LGSN: variants seen among roughly 807,000 people sequenced by gnomAD.
The protein encoded by LGSN is lengsin, lens protein with glutamine synthetase domain.
A neutral mutation model predicts 19.5 loss-of-function variants in LGSN; 21 were observed. The observed-to-expected ratio is 1.07, with a 90% CI of 0.76 to 1.55. LGSN has a LOEUF of 1.55. Ranked by LOEUF, LGSN falls within the 40% of genes most tolerant of loss-of-function variation. LGSN has a pLI of 0.00. For missense variants in LGSN, 673 were observed against 608.5 expected (o/e 1.11, Z -1.12); for synonymous variants, 257 against 215.6 (o/e 1.19, Z -1.68).
the LGSN span, among the ~76,000 whole-genome samples, chr6:63,431,070 G>A: frequency 1.3e-5 from 2 of 152,244 alleles, no homozygotes; most frequent in East Asian, 3.9e-4. Flanking sequence ...AGTCTACAAA[G>A]TGCTTTGATA....
At chr6:63,386,775 T>A in the LGSN span, among the ~76,000 whole-genome samples, 3 of 152,108 alleles carry the variant, frequency 2.0e-5, no homozygotes, top group Admixed American at 6.6e-5. Flanking sequence ...GATATTATAG[T>A]CGTCTAGTAG....
chr6:63,533,672 C>T, the LGSN span, among the ~76,000 whole-genome samples: 1 of 151,974 alleles, frequency 6.6e-6, no homozygotes, highest in Non-Finnish European at 1.5e-5. Flanking sequence ...ATGGTTATTA[C>T]TTGGGAGGAC....
chr6:63,329,069 G>C, the LGSN span, among the ~76,000 whole-genome samples: 3 of 152,230 alleles, frequency 2.0e-5, no homozygotes, highest in Admixed American at 1.3e-4. Context: ...CCCTTGATTA[G>C]CTAGAAAGTT....
the LGSN span, among the ~76,000 whole-genome samples, chr6:63,393,110 A>G: frequency 6.6e-6 from 1 of 150,742 alleles, no homozygotes; most frequent in Admixed American, 6.6e-5. Flanking sequence ...GATGGTCTCG[A>G]TCTCCTGACC....
At chr6:63,365,980 T>C in the LGSN span, among the ~76,000 whole-genome samples, 2 of 152,114 alleles carry the variant, frequency 1.3e-5, no homozygotes, top group African/African-American at 4.8e-5. Flanking sequence ...ACAGCCAATA[T>C]CATACTGAAT....
the LGSN span, among the ~76,000 whole-genome samples, chr6:63,475,416 A>G: frequency 1.3e-5 from 2 of 151,936 alleles, no homozygotes; most frequent in East Asian, 1.9e-4. Flanking sequence ...CCAACATGGT[A>G]TGTTTCTGGT....
the LGSN span, among the ~76,000 whole-genome samples, chr6:63,473,292 G>A: frequency 6.6e-6 from 1 of 151,552 alleles, no homozygotes; most frequent in Non-Finnish European, 1.5e-5. Context: ...GGGCAACATG[G>A]CAAAACCCTG....
chr6:63,359,908 T>A, the LGSN span, among the ~76,000 whole-genome samples: 1 of 152,216 alleles, frequency 6.6e-6, no homozygotes, highest in Non-Finnish European at 1.5e-5. Context: ...ATTTTATTTC[T>A]CCTTCACTTA....
the LGSN span, among the ~76,000 whole-genome samples, chr6:63,325,523 T>C: frequency 6.6e-6 from 1 of 152,160 alleles, no homozygotes; most frequent in Admixed American, 6.6e-5. Flanking sequence ...ACATAGAACC[T>C]ACCAAGATTG....
chr6:63,302,757 T>A (rs143157908), intron 1 of LGSN, among the ~76,000 whole-genome samples: 157 of 152,304 alleles, frequency 1.0e-3, no homozygotes, highest in South Asian at 2.5e-3. Flanking sequence ...TATGAATTCA[T>A]TGTCGAGTGT....
the LGSN span, among the ~76,000 whole-genome samples, chr6:63,356,413 G>T: frequency 1.3e-5 from 2 of 151,888 alleles, no homozygotes; most frequent in Non-Finnish European, 2.9e-5. Context: ...GTGGTGGCTC[G>T]TGCCTGTGAT....
the LGSN span, among the ~76,000 whole-genome samples, chr6:63,423,382 T>C: frequency 6.6e-6 from 1 of 151,880 alleles, no homozygotes; most frequent in African/African-American, 2.4e-5. Flanking sequence ...GGCTCATGCC[T>C]GTAAACTCCC....
chr6:63,383,271 A>AT, the LGSN span, among the ~76,000 whole-genome samples: 72 of 149,852 alleles, frequency 4.8e-4, no homozygotes, highest in Non-Finnish European at 6.4e-4. Context: ...CCAAGAGTGG[A>AT]TTTTTTTTTT....
the LGSN span, among the ~76,000 whole-genome samples, chr6:63,572,920 C>A: frequency 6.6e-6 from 1 of 152,104 alleles, no homozygotes; most frequent in African/African-American, 2.4e-5. Context: ...AGATGCCGGG[C>A]CCCTCGGGGC....
the LGSN span, among the ~76,000 whole-genome samples, chr6:63,376,196 C>T: frequency 6.6e-6 from 1 of 152,116 alleles, no homozygotes; most frequent in Non-Finnish European, 1.5e-5. Flanking sequence ...TCTCTCTAAC[C>T]ATTCCTACAC....
chr6:63,367,591 G>A, the LGSN span, among the ~76,000 whole-genome samples: 10,938 of 138,492 alleles, frequency 0.079, 1,146 homozygotes, highest in African/African-American at 0.25. Context: ...CCATTACTGG[G>A]TATACACCCA....
At chr6:63,400,876 C>T in the LGSN span, among the ~76,000 whole-genome samples, 5 of 151,996 alleles carry the variant, frequency 3.3e-5, no homozygotes, top group Admixed American at 1.3e-4. Flanking sequence ...CGCCTGTAAT[C>T]CCAGCTACTC....
In LGSN at chr6:63,280,357, A is replaced by G. The variant is rs1359886830; in HGVS notation, c.1194T>C (p.His398=). 1.9e-6 allele frequency: 3 copies of G among 1,614,034 alleles called. No individual in the cohort carries two copies. Among genetic ancestry groups the G allele is most frequent in the East Asian group, 2.2e-5 (1 of 44,896 alleles). ...TTTCTATCCGGGTGCCTTTCTCTCC[A>G]TGACATTTGATATTAAATATACAGC... The part of the protein sequence containing the change: ...DNSCIFNIKC[H]GEKGTRIENK... Residue 398 remains histidine, a synonymous_variant, in exon 4 of 4, where the codon CAT becomes CAC. Coordinates refer to ENST00000370657, the MANE Select transcript of LGSN (RefSeq NM_016571.3).
the LGSN span, among the ~76,000 whole-genome samples, chr6:63,412,529 G>GAAGGAAGGAAAGAAA: frequency 9.3e-5 from 3 of 32,406 alleles, no homozygotes; most frequent in South Asian, 1.2e-3. Context: ...AAAGAAAGAA[G>GAAGGAAGGAAAGAAA]GAAAGAAAGA....
Sources: gnomAD v4.1 joint callset for allele counts (sites outside exome capture counted in the v4.1 genomes callset) on GRCh38, gnomAD v4.1.1 for gene constraint, MANE v1.5 for transcripts, NCBI Gene and HGNC (gene_info 2026-07-23, HGNC 2026-07-21) for gene names.